The following ADGRL3 variants were observed in gnomAD, a reference collection of about 807,000 sequenced individuals.
ADGRL3 encodes calcium-independent alpha-latrotoxin receptor 3.
A neutral mutation model predicts 153.5 loss-of-function variants in ADGRL3; 62 were observed. The ratio of observed to expected loss-of-function variants is 0.40; its 90% CI spans 0.33 to 0.50. ADGRL3 has a LOEUF of 0.50. ADGRL3 is among the 20% of genes least tolerant of loss of function. The probability of loss-of-function intolerance (pLI) is 0.47; values close to 1 mark genes in which losing one functional copy is unlikely to be tolerated. For synonymous variants in ADGRL3, 710 were observed against 672.5 expected (o/e 1.06, Z -0.86); for missense variants, 1,641 against 1,859.4 (o/e 0.88, Z 2.16).
At chr4:61,362,679 T>A (rs2096306553) in intron 1 of ADGRL3, among the ~76,000 whole-genome samples, 1 of 152,144 alleles carries the variant, frequency 6.6e-6, no homozygotes, top group Non-Finnish European at 1.5e-5. Flanking sequence ...GTTTTCAGCC[T>A]CGTCTTCACA....
intron 4 of ADGRL3, among the ~76,000 whole-genome samples, chr4:61,521,585 G>T (rs189323031): frequency 6.6e-6 from 1 of 152,276 alleles, no homozygotes; most frequent in African/African-American, 2.4e-5. Context: ...AGACGAGTCT[G>T]TTCTATTGGT....
chr4:61,737,132 G>T (rs1561149291), intron 8 of ADGRL3, among the ~76,000 whole-genome samples: 2 of 150,614 alleles, frequency 1.3e-5, no homozygotes, highest in African/African-American at 2.4e-5. Flanking sequence ...TTTATTTTGG[G>T]TCCTATGTGT....
At chr4:61,859,797 T>C (rs2098321901) in intron 9 of ADGRL3, among the ~76,000 whole-genome samples, 1 of 152,132 alleles carries the variant, frequency 6.6e-6, no homozygotes, top group Non-Finnish European at 1.5e-5. Context: ...TTATTCTTAC[T>C]AAAAAGGGAA....
chr4:61,260,005 C>G (rs913695396), intron 1 of ADGRL3, among the ~76,000 whole-genome samples: 1 of 152,032 alleles, frequency 6.6e-6, no homozygotes, highest in African/African-American at 2.4e-5. Flanking sequence ...TTCTTGCAAT[C>G]GAGGAAATTC....
At chr4:61,354,574 C>CTGTGTGTGTGTG (rs58238791) in intron 1 of ADGRL3, among the ~76,000 whole-genome samples, 2 of 148,280 alleles carry the variant, frequency 1.3e-5, no homozygotes, top group African/African-American at 4.9e-5. Flanking sequence ...AAGACTTTGT[C>CTGTGTGTGTGTG]TGTGTGTGTG....
intron 19 of ADGRL3, among the ~76,000 whole-genome samples, chr4:61,993,913 A>G (rs1419989905): frequency 6.6e-6 from 1 of 152,178 alleles, no homozygotes; most frequent in African/African-American, 2.4e-5. Flanking sequence ...TCACAACAAA[A>G]GGGTAACTAA....
chr4:61,427,522 T>G, intron 2 of ADGRL3: 1 of 153,338 alleles, frequency 6.5e-6, no homozygotes, highest in Non-Finnish European at 1.5e-5. Context: ...ACTGTTTACC[T>G]AATTTATGCA....
At chr4:61,363,894 C>CTG (rs2096340620) in intron 1 of ADGRL3, among the ~76,000 whole-genome samples, 1 of 152,024 alleles carries the variant, frequency 6.6e-6, no homozygotes, top group African/African-American at 2.4e-5. Context: ...ATCGAGCAGC[C>CTG]TGTGTCCAGA....
At chr4:61,835,644 C>CT (rs1404182396) in intron 9 of ADGRL3, among the ~76,000 whole-genome samples, 6 of 152,034 alleles carry the variant, frequency 3.9e-5, no homozygotes, top group African/African-American at 9.7e-5. Flanking sequence ...TAAGGAGTTT[C>CT]TTTTTTACAA....
chr4:61,519,132 AAC>A (rs2152910059), intron 4 of ADGRL3, among the ~76,000 whole-genome samples: 1 of 152,304 alleles, frequency 6.6e-6, no homozygotes, highest in Admixed American at 6.5e-5. Flanking sequence ...TGTAAACACA[AAC>A]ACATAGCTGC....
At chr4:61,375,863 G>T (rs1225259871) in intron 1 of ADGRL3, among the ~76,000 whole-genome samples, 1 of 151,998 alleles carries the variant, frequency 6.6e-6, no homozygotes, top group Admixed American at 6.6e-5. Context: ...GGTATATATT[G>T]AAAATTATCT....
At chr4:61,721,828 A>G (rs2096248471) in intron 6 of ADGRL3, among the ~76,000 whole-genome samples, 1 of 152,200 alleles carries the variant, frequency 6.6e-6, no homozygotes, top group Non-Finnish European at 1.5e-5. Context: ...GGTAAATCAG[A>G]AGCTTCATGT....
At chr4:61,386,989 C>T (rs1205831172) in intron 2 of ADGRL3, among the ~76,000 whole-genome samples, 5 of 152,066 alleles carry the variant, frequency 3.3e-5, no homozygotes, top group South Asian at 2.1e-4. Context: ...AGATCTAGAA[C>T]GTATATAGGG....
intron 2 of ADGRL3, among the ~76,000 whole-genome samples, chr4:61,456,384 T>TATAGAG (rs1553934045): frequency 9.6e-5 from 11 of 115,020 alleles, no homozygotes; most frequent in Non-Finnish European, 1.2e-4. Flanking sequence ...TCTATATATA[T>TATAGAG]ATATAGATAT....
At chr4:61,988,372 C>A (rs140673785) in intron 19 of ADGRL3, among the ~76,000 whole-genome samples, 7 of 152,016 alleles carry the variant, frequency 4.6e-5, no homozygotes, top group African/African-American at 1.7e-4. Context: ...GTATAAATTG[C>A]GCTGTTAATA....
chr4:62,023,157 C>A (rs58512622), intron 21 of ADGRL3, among the ~76,000 whole-genome samples: 1,719 of 152,096 alleles, frequency 0.011, 36 homozygotes, highest in African/African-American at 0.04. Context: ...TGAGTCCAAC[C>A]CTTGTGGGTG....
intron 9 of ADGRL3, among the ~76,000 whole-genome samples, chr4:61,885,115 G>A (rs1447182465): frequency 6.6e-6 from 1 of 151,716 alleles, no homozygotes; most frequent in East Asian, 2.0e-4. Flanking sequence ...CGTCTCTACC[G>A]AAAATACAAA....
At chr4:61,736,103 A>G (rs896681286) in intron 8 of ADGRL3, among the ~76,000 whole-genome samples, 1 of 152,062 alleles carries the variant, frequency 6.6e-6, no homozygotes, top group Non-Finnish European at 1.5e-5. Flanking sequence ...ATTAGTATAC[A>G]TATTCATATG....
rs187611396 is a variant in ADGRL3 at position 61,632,430 on chromosome 4, T to C, written c.474-44396T>C. On this transcript the variant is annotated intron_variant, in intron 5 of 26. Transcript: ENST00000683033. ...AAAGCATATATTGTTTAAAAATCAA[T>C]GAAGGAATTGCCCTCTTTCTTGCTC... Among the ~76,000 whole-genome samples, 773 of 152,270 alleles carry C rather than the reference T, an allele frequency of 5.1e-3. 2 individuals carry two copies. Among genetic ancestry groups the C allele is most frequent in the Non-Finnish European group, 9.4e-3 (637 of 67,990 alleles).
Sources: gnomAD v4.1 joint callset for allele counts (sites outside exome capture counted in the v4.1 genomes callset) on GRCh38, gnomAD v4.1.1 for gene constraint, MANE v1.5 for transcripts, NCBI Gene and HGNC (gene_info 2026-07-23, HGNC 2026-07-21) for gene names.